SNX29: variants seen among roughly 807,000 people sequenced by gnomAD.
The protein encoded by SNX29 is sorting nexin 29, also known as sorting nexin-29.
Under a neutral mutation model 102.1 loss-of-function variants are expected in SNX29, and 78 were observed. The observed-to-expected ratio is 0.76, with a 90% CI of 0.64 to 0.92. The LOEUF (loss-of-function observed/expected upper bound fraction) is 0.92, where lower values mean the gene tolerates loss of function less well. Ranked by LOEUF, SNX29 falls within the 40% of genes least tolerant of loss-of-function variation. SNX29 has a pLI of 0.00. For synonymous variants in SNX29, 580 were observed against 414.5 expected, an observed-to-expected ratio of 1.40 and a Z score of -4.85; for missense variants, 1,280 against 1,061.7, an observed-to-expected ratio of 1.21 and a Z score of -2.86.
intron 18 of SNX29, among the ~76,000 whole-genome samples, chr16:12,476,625 G>A (rs995049783): frequency 1.3e-5 from 2 of 150,900 alleles, no homozygotes; most frequent in African/African-American, 4.9e-5. Flanking sequence ...CAGAGACCCC[G>A]GGACTTCTGT....
At chr16:12,559,709 TG>T (rs2078604465) in intron 20 of SNX29, among the ~76,000 whole-genome samples, 1 of 152,164 alleles carries the variant, frequency 6.6e-6, no homozygotes, top group Non-Finnish European at 1.5e-5. Context: ...CCATCTCCCA[TG>T]GTGAGAACAC....
At chr16:12,304,123 A>T (rs1407739556) in intron 15 of SNX29, among the ~76,000 whole-genome samples, 3 of 151,820 alleles carry the variant, frequency 2.0e-5, no homozygotes, top group Non-Finnish European at 1.5e-5. Context: ...AGCAGGAATG[A>T]GTCCCTTGAC....
intron 20 of SNX29, 88 bp from the exon 21 acceptor site, chr16:12,568,418 C>G: frequency 6.4e-7 from 1 of 1,554,306 alleles, no homozygotes; most frequent in Non-Finnish European, 8.7e-7. Context: ...CAGATCCCTC[C>G]TGCCCTCACA....
At chr16:12,099,068 A>G (rs1327149984) in intron 11 of SNX29, among the ~76,000 whole-genome samples, 1 of 152,232 alleles carries the variant, frequency 6.6e-6, no homozygotes, top group Non-Finnish European at 1.5e-5. Context: ...CCTCCAGCAC[A>G]GAGCACTTCA....
rs906583603 is a variant in SNX29 at position 12,278,125 on chromosome 16, C to T, written c.1782+89C>T. The T allele has an allele frequency of 4.6e-5, 54 of 1,177,662 alleles. No individual in the cohort carries two copies. The Admixed American group carries it at 8.0e-4, about 17-fold the overall frequency. 73.0% of individuals were successfully genotyped at this position (1,177,662 alleles called of 1,614,324 possible). A position where few individuals can be genotyped will look rare whatever the true frequency, so the allele number is the denominator to read the frequency against. On this transcript the variant is annotated intron_variant, in intron 15 of 20. Coordinates refer to ENST00000566228, the MANE Select transcript of SNX29 (RefSeq NM_032167.5). ...GTAGGTCCAGCCTATTCTAAAGACA[C>T]GTGAGCAAAACGACCAAGCAACTCC...
chr16:12,466,565 G>A (rs909137185), intron 18 of SNX29, among the ~76,000 whole-genome samples: 10 of 152,186 alleles, frequency 6.6e-5, no homozygotes, highest in Non-Finnish European at 1.5e-4. Context: ...TGTCTTCAGA[G>A]CGTCTTTGAA....
intron 13 of SNX29, among the ~76,000 whole-genome samples, chr16:12,177,101 C>G (rs1374575092): frequency 6.6e-6 from 1 of 152,162 alleles, no homozygotes; most frequent in Non-Finnish European, 1.5e-5. Flanking sequence ...GTACACACCA[C>G]TACACCCGGC....
intron 4 of SNX29, among the ~76,000 whole-genome samples, chr16:12,039,332 C>G (rs952816612): frequency 6.6e-6 from 1 of 152,024 alleles, no homozygotes; most frequent in Admixed American, 6.6e-5. Flanking sequence ...AGAGGATTTT[C>G]AGGCTTAGCA....
At chr16:12,423,498 T>C (rs150508419) in intron 18 of SNX29, among the ~76,000 whole-genome samples, 150 of 152,298 alleles carry the variant, frequency 9.8e-4, no homozygotes, top group Non-Finnish European at 1.7e-3. Context: ...GGCAGATAAC[T>C]GTATCCAAAT....
Position 12,330,446 on chromosome 16 carries a change from T to C in SNX29, c.1783-25717T>C, listed in dbSNP as rs542600649. On this transcript the variant is annotated intron_variant, in intron 15 of 20. Transcript: ENST00000566228. ...CACACCACGGCACTCCAGCCTGAAA[T>C]GGGCTTGACGGTCATAAGTAATGAT... is the stretch of plus-strand genomic sequence containing the variant. Among the ~76,000 whole-genome samples, 293 of 152,188 alleles carry C rather than the reference T, an allele frequency of 1.9e-3. 2 individuals are homozygous for C. Among genetic ancestry groups the C allele is most frequent in the African/African-American group, 6.7e-3 (277 of 41,542 alleles).
chr16:12,079,406 C>A (rs2051750140), intron 11 of SNX29, among the ~76,000 whole-genome samples: 1 of 152,070 alleles, frequency 6.6e-6, no homozygotes, highest in African/African-American at 2.4e-5. Context: ...AAAGAATAAA[C>A]CAACTGTTAT....
chr16:12,040,337 G>A (rs1203767495), intron 4 of SNX29, among the ~76,000 whole-genome samples: 1 of 152,004 alleles, frequency 6.6e-6, no homozygotes, highest in African/African-American at 2.4e-5. Context: ...GTCCAGCCTG[G>A]GTGACAGAGG....
At chr16:12,407,296 TG>T (rs2084204980) in intron 18 of SNX29, among the ~76,000 whole-genome samples, 1 of 151,940 alleles carries the variant, frequency 6.6e-6, no homozygotes, top group African/African-American at 2.4e-5. Context: ...TCATTGCCTT[TG>T]GCAGGTGACA....
intron 20 of SNX29, chr16:12,556,275 C>CG (rs1460412955): frequency 6.6e-6 from 1 of 152,144 alleles, no homozygotes; most frequent in Non-Finnish European, 1.5e-5. Flanking sequence ...GCAAGAAATC[C>CG]GAGGTCCTGT....
rs2077131331 is a variant in SNX29, at chr16:12,209,629, C to T, written c.1678+9946C>T. On this transcript the variant is annotated intron_variant, in intron 14 of 20. Transcript: ENST00000566228. Reference sequence around the variant, plus strand: ...CCTGTAGGTGGCTGAAGGGATGCTCCTGGGCCACCAGCTGCGTGTTTGACT... The same window carrying T: ...CCTGTAGGTGGCTGAAGGGATGCTCTTGGGCCACCAGCTGCGTGTTTGACT... Among the ~76,000 whole-genome samples the T allele has an allele frequency of 3.9e-5, 6 of 152,162 alleles. No homozygotes were observed. In the South Asian group the frequency reaches 6.2e-4, roughly 16 times the overall value.
At chr16:12,121,864 T>C (rs565400293) in intron 11 of SNX29, among the ~76,000 whole-genome samples, 179 of 152,318 alleles carry the variant, frequency 1.2e-3, no homozygotes, top group Non-Finnish European at 1.6e-3. Flanking sequence ...AGTGGCGCGA[T>C]CTTGGCTCAC....
At chr16:12,277,757 G>T (rs528084401) in intron 14 of SNX29, among the ~76,000 whole-genome samples, 176 bp from the exon 15 acceptor site, 1 of 152,062 alleles carries the variant, frequency 6.6e-6, no homozygotes, top group South Asian at 2.1e-4. Flanking sequence ...TCGTTTTATT[G>T]TACTTAGGTG....
At chr16:12,115,105 C>G (rs1007160682) in intron 11 of SNX29, among the ~76,000 whole-genome samples, 38 of 152,274 alleles carry the variant, frequency 2.5e-4, no homozygotes, top group African/African-American at 9.1e-4. Flanking sequence ...CAAGCCCAGA[C>G]CTAGCCTTCA....
At chr16:12,322,462 A>G (rs209845) in intron 15 of SNX29, among the ~76,000 whole-genome samples, 61,246 of 152,148 alleles carry the variant, frequency 0.4, 14,239 homozygotes, top group Non-Finnish European at 0.55. Flanking sequence ...CACATATCCA[A>G]TTGTTAAAAA....
Sources: allele counts gnomAD v4.1 joint callset (sites outside exome capture counted in the v4.1 genomes callset), GRCh38; gene constraint gnomAD v4.1.1; transcripts MANE v1.5; gene names NCBI Gene and HGNC (gene_info 2026-07-23, HGNC 2026-07-21).